Variants in DYNC2I2 observed in about 807,000 individuals in gnomAD.
DYNC2I2 encodes cytoplasmic dynein 2 intermediate chain 2.
Under a neutral mutation model 52.0 loss-of-function variants are expected in DYNC2I2, and 39 were observed. The ratio of observed to expected loss-of-function variants is 0.75; its 90% CI spans 0.58 to 0.98. The LOEUF is 0.98. Ranked by LOEUF, DYNC2I2 falls within the 50% of genes least tolerant of loss-of-function variation. DYNC2I2 has a pLI of 0.00. For missense variants in DYNC2I2, 743 were observed against 728.4 expected, an observed-to-expected ratio of 1.02 and a Z score of -0.23; for synonymous variants, 359 against 321.1, an observed-to-expected ratio of 1.12 and a Z score of -1.26.
upstream of DYNC2I2, among the ~76,000 whole-genome samples, chr9:128,657,498 TAAA>T (rs1860855266): frequency 1.3e-5 from 2 of 151,582 alleles, no homozygotes; most frequent in African/African-American, 4.8e-5. Context: ...GACTAAAAAA[TAAA>T]AATAAAGAAT....
At chr9:128,667,100 G>A in the DYNC2I2 span, among the ~76,000 whole-genome samples, 1 of 151,590 alleles carries the variant, frequency 6.6e-6, no homozygotes. Context: ...TCAGGAGGTT[G>A]AGGCAGGAGA....
intron 1 of DYNC2I2, among the ~76,000 whole-genome samples, chr9:128,646,995 C>T (rs1336520269): frequency 1.3e-5 from 2 of 151,982 alleles, no homozygotes; most frequent in East Asian, 1.9e-4. Context: ...CGTGGTGGAG[C>T]GTGCCTGTAA....
At chr9:128,645,189 A>AT in intron 1 of DYNC2I2, among the ~76,000 whole-genome samples, 1 of 4,302 alleles carries the variant, frequency 2.3e-4, no homozygotes, top group South Asian at 6.8e-3. Flanking sequence ...CATCTCTACT[A>AT]AAAAAAAAAA....
At chr9:128,665,898 C>T in the DYNC2I2 span, among the ~76,000 whole-genome samples, 1 of 149,472 alleles carries the variant, frequency 6.7e-6, no homozygotes, top group South Asian at 2.1e-4. Context: ...TGGTGAAACC[C>T]CGTCTCTACT....
chr9:128,678,014 A>G, the DYNC2I2 span, among the ~76,000 whole-genome samples: 1 of 150,744 alleles, frequency 6.6e-6, no homozygotes, highest in Non-Finnish European at 1.5e-5. Context: ...CATACTAACC[A>G]CGTGGGTTTG....
At chr9:128,637,082 T>C in intron 2 of DYNC2I2, 55 bp from the exon 3 acceptor site, 3 of 1,374,802 alleles carry the variant, frequency 2.2e-6, no homozygotes, top group Non-Finnish European at 3.1e-6. Flanking sequence ...GCCTCATGAC[T>C]GCCTAACCAA....
chr9:128,677,205 T>A, the DYNC2I2 span, among the ~76,000 whole-genome samples: 2 of 106,626 alleles, frequency 1.9e-5, no homozygotes, highest in African/African-American at 7.3e-5. Flanking sequence ...CTCACTCCTA[T>A]AACTCTGTCT....
intron 1 of DYNC2I2, 144 bp from the exon 2 acceptor site, chr9:128,641,083 G>A: frequency 1.5e-6 from 2 of 1,324,464 alleles, no homozygotes; most frequent in East Asian, 2.5e-5. Context: ...GGTCTTGGTT[G>A]GAGATGGCCC....
intron 1 of DYNC2I2, among the ~76,000 whole-genome samples, chr9:128,649,136 T>C (rs914164422): frequency 6.6e-6 from 1 of 152,140 alleles, no homozygotes; most frequent in African/African-American, 2.4e-5. Flanking sequence ...TGCCTCTGAA[T>C]TGCACACTTT....
the DYNC2I2 span, among the ~76,000 whole-genome samples, chr9:128,677,005 C>T: frequency 3.3e-5 from 5 of 151,882 alleles, no homozygotes; most frequent in African/African-American, 4.8e-5. Context: ...CCTGCCACCA[C>T]GGCCGGCTAA....
chr9:128,644,886 C>T (rs1038335087), intron 1 of DYNC2I2, among the ~76,000 whole-genome samples: 6 of 152,200 alleles, frequency 3.9e-5, no homozygotes, highest in South Asian at 2.1e-4. Context: ...GATCAGTGAT[C>T]TTTTACGTTA....
At chr9:128,645,650 C>T (rs1860603238) in intron 1 of DYNC2I2, among the ~76,000 whole-genome samples, 1 of 138,446 alleles carries the variant, frequency 7.2e-6, no homozygotes, top group African/African-American at 2.7e-5. Context: ...AAAAGGTAAG[C>T]CAATTAATAT....
Position 128,656,793 on chromosome 9 carries a change from CG to C in DYNC2I2, c.-68del. On this transcript the variant is annotated 5_prime_UTR_variant, in exon 1 of 9. An upstream open reading frame in the 5' UTR gains an earlier in-frame stop. Transcript: ENST00000372715. ...ACCTCCGCCCCTACGCCGCCATGAG[CG>C]GAAAACGGGGAATGTGAGGCTGACG... The C allele has an allele frequency of 7.7e-7, 1 of 1,302,912 alleles. No individual in the cohort carries two copies. Among genetic ancestry groups the C allele is most frequent in the Non-Finnish European group, 9.8e-7 (1 of 1,022,188 alleles). The allele number at this position is 1,302,912 out of a possible 1,614,324, so 80.7% of individuals were successfully genotyped here.
chr9:128,637,321 G>A (rs1045081396), intron 2 of DYNC2I2, among the ~76,000 whole-genome samples: 1 of 152,254 alleles, frequency 6.6e-6, no homozygotes, highest in African/African-American at 2.4e-5. Context: ...CAGCAGGAAG[G>A]TGGGGATGGT....
In DYNC2I2 at chr9:128,636,213, T is replaced by C. The variant is rs751476325; in HGVS notation, c.703+68A>G. ...GCCAAAGGGCCCATGGAAAGCTCCC[T>C]TGTGCCCTCTGCAGGGCGGGAAGCT... On this transcript the variant is annotated intron_variant, in intron 4 of 8. Transcript: ENST00000372715. The C allele has an allele frequency of 1.7e-5, 27 of 1,547,792 alleles. No homozygotes were observed. The Admixed American group carries it at 4.7e-4, about 27-fold the overall frequency.
the DYNC2I2 span, chr9:128,683,390 G>C: frequency 4.7e-6 from 1 of 212,764 alleles, no homozygotes; most frequent in African/African-American, 2.3e-5. Context: ...GGTCAGGAAG[G>C]AGTTAGCGAA....
upstream of DYNC2I2, among the ~76,000 whole-genome samples, chr9:128,661,596 CAAT>C (rs1419142153): frequency 6.6e-6 from 1 of 151,864 alleles, no homozygotes; most frequent in Non-Finnish European, 1.5e-5. Flanking sequence ...CCAGCCTGGG[CAAT>C]AAGAGTGAAA....
At chr9:128,683,414 G>C in the DYNC2I2 span, 1 of 220,548 alleles carries the variant, frequency 4.5e-6, no homozygotes, top group East Asian at 6.6e-5. Flanking sequence ...GGGCAGTGGG[G>C]GTGTGGTTTA....
intron 1 of DYNC2I2, among the ~76,000 whole-genome samples, chr9:128,652,737 T>C (rs1404250397): frequency 6.7e-6 from 1 of 149,434 alleles, no homozygotes; most frequent in African/African-American, 2.5e-5. Flanking sequence ...CTGACCAACA[T>C]GGAGAAACTC....
Sources: gnomAD v4.1 joint callset for allele counts (sites outside exome capture counted in the v4.1 genomes callset) on GRCh38, gnomAD v4.1.1 for gene constraint, MANE v1.5 for transcripts, NCBI Gene and HGNC (gene_info 2026-07-23, HGNC 2026-07-21) for gene names.